The following SORBS2 variants were observed in gnomAD, a reference collection of about 807,000 sequenced individuals.
SORBS2 encodes sorbin and SH3 domain-containing protein 2.
A neutral mutation model predicts 97.7 loss-of-function variants in SORBS2; 46 were observed. The observed-to-expected ratio is 0.47, with a 90% CI of 0.37 to 0.60. The LOEUF is 0.60. SORBS2 is among the 20% of genes least tolerant of loss of function. SORBS2 has a pLI of 0.00. For synonymous variants in SORBS2, 476 were observed against 473.4 expected, an observed-to-expected ratio of 1.01 and a Z score of -0.07; for missense variants, 1,316 against 1,282.3, an observed-to-expected ratio of 1.03 and a Z score of -0.40.
chr4:185,936,178 G>A (rs982234801), intron 1 of SORBS2, among the ~76,000 whole-genome samples: 3 of 152,192 alleles, frequency 2.0e-5, no homozygotes, highest in African/African-American at 7.2e-5. Flanking sequence ...TTTTCAATGA[G>A]GAGACACGTG....
intron 1 of SORBS2, among the ~76,000 whole-genome samples, chr4:185,654,321 C>T (rs1400096653): frequency 1.3e-5 from 2 of 152,184 alleles, no homozygotes; most frequent in African/African-American, 4.8e-5. Flanking sequence ...GGACTGATTT[C>T]TCTTTCATTA....
At chr4:185,678,891 T>C in intron 2 of SORBS2, 69 bp from the exon 6 acceptor site, 2 of 962,398 alleles carry the variant, frequency 2.1e-6, no homozygotes, top group South Asian at 2.0e-5. Flanking sequence ...AAAAATAACA[T>C]GGCAAAGAAC....
chr4:185,621,422 G>A (rs923048938), intron 7 of SORBS2, among the ~76,000 whole-genome samples: 3 of 152,110 alleles, frequency 2.0e-5, no homozygotes, highest in South Asian at 2.1e-4. Flanking sequence ...TCCAAGTTAC[G>A]TTTCAAAAAT....
intron 1 of SORBS2, among the ~76,000 whole-genome samples, chr4:185,923,482 T>TTTTTTTTTTTTTTG (rs1341327980): frequency 1.4e-5 from 2 of 147,022 alleles, no homozygotes; most frequent in Admixed American, 1.4e-4. Context: ...ATTTTTTTTT[T>TTTTTTTTTTTTTTG]TTGTAGAGAC....
intron 1 of SORBS2, among the ~76,000 whole-genome samples, chr4:185,830,187 C>T (rs4862577): frequency 0.25 from 38,434 of 151,960 alleles, 6,233 homozygotes; most frequent in Middle Eastern, 0.36. Context: ...CTATTATTAA[C>T]CTAGATGTAG....
chr4:185,828,011 GTCACCATCATCA>G, intron 1 of SORBS2, among the ~76,000 whole-genome samples: 1 of 49,480 alleles, frequency 2.0e-5, no homozygotes, highest in East Asian at 3.4e-4. Flanking sequence ...CATCATCATC[GTCACCATCATCA>G]TCATCTCATC....
At position 185,760,793 on chromosome 4, in the gene SORBS2, G is replaced by A. The variant is rs181974535; in HGVS notation, c.-198+14434C>T. On this transcript the variant is annotated intron_variant, in intron 2 of 20. Coordinates refer to the SORBS2 transcript ENST00000284776. ...CATTTCCTTCTCATTAGTTGCATGA[G>A]GATATAAAAATTAAATCAAATCTGC... Among the ~76,000 whole-genome samples the A allele has an allele frequency of 2.0e-4, 31 of 152,294 alleles. 1 individual carries two copies. Among genetic ancestry groups the A allele is most frequent in the Admixed American group, 1.5e-3 (23 of 15,306 alleles).
intron 14 of SORBS2, among the ~76,000 whole-genome samples, 194 bp downstream of exon 26, chr4:185,589,485 T>C (rs956546784): frequency 6.6e-6 from 1 of 152,184 alleles, no homozygotes; most frequent in Admixed American, 6.5e-5. Flanking sequence ...AAATCACACA[T>C]AGCTGAAGCA....
chr4:185,938,137 A>T (rs912356430), intron 1 of SORBS2, among the ~76,000 whole-genome samples: 5 of 150,040 alleles, frequency 3.3e-5, no homozygotes, highest in Admixed American at 6.7e-5. Context: ...AGCTGGGATT[A>T]CAGGCACCTG....
intron 2 of SORBS2, among the ~76,000 whole-genome samples, chr4:185,722,507 CTG>C (rs1315126215): frequency 6.6e-6 from 1 of 152,168 alleles, no homozygotes; most frequent in African/African-American, 2.4e-5. Context: ...AGTGTGAAAA[CTG>C]TGAATATCAC....
rs1430687991 is a variant in SORBS2, at chr4:185,677,271, T to A, written c.-46+1152A>T. 4 of 1,552,050 alleles carry A rather than the reference T, an allele frequency of 2.6e-6. No homozygotes were observed. The Admixed American group carries it at 7.8e-5, about 30-fold the overall frequency. ...ACTAATGGGGCTGCTACTTCCTAGA[T>A]CCTGGTTATGGGTTAGTTTCAAGGT... On this transcript the variant is annotated intron_variant, in intron 4 of 20. Transcript: ENST00000284776.
At chr4:185,632,935 G>C (rs569308261) in intron 4 of SORBS2, among the ~76,000 whole-genome samples, 1 of 152,120 alleles carries the variant, frequency 6.6e-6, no homozygotes, top group African/African-American at 2.4e-5. Context: ...TGATGACTGA[G>C]AGAAAAACTT....
intron 1 of SORBS2, among the ~76,000 whole-genome samples, chr4:185,847,661 C>T (rs72705761): frequency 0.23 from 34,715 of 151,954 alleles, 4,481 homozygotes; most frequent in Middle Eastern, 0.35. Context: ...ACGGCAGCAA[C>T]GATTATAGCA....
chr4:185,589,624 A>G (rs1321843939), intron 14 of SORBS2, 55 bp downstream of exon 26: 3 of 1,040,104 alleles, frequency 2.9e-6, no homozygotes, highest in Non-Finnish European at 4.6e-6. Flanking sequence ...GGGAGTGAGC[A>G]AACTCAAGCA....
intron 2 of SORBS2, among the ~76,000 whole-genome samples, chr4:185,758,520 G>C (rs187894452): frequency 6.6e-6 from 1 of 152,166 alleles, no homozygotes; most frequent in East Asian, 1.9e-4. Context: ...TGCACTCACT[G>C]CCTCATTCAG....
intron 1 of SORBS2, among the ~76,000 whole-genome samples, chr4:185,823,257 C>T (rs2099197883): frequency 6.6e-6 from 1 of 152,180 alleles, no homozygotes; most frequent in Non-Finnish European, 1.5e-5. Context: ...TGTCCTTAAC[C>T]TTGGCAAAAT....
chr4:185,683,505 T>C (rs1383374173), intron 2 of SORBS2, among the ~76,000 whole-genome samples: 1 of 152,218 alleles, frequency 6.6e-6, no homozygotes, highest in Non-Finnish European at 1.5e-5. Context: ...TTCATTCCTG[T>C]TTCTCATGGT....
chr4:185,653,778 T>A (rs1358506941), intron 1 of SORBS2, among the ~76,000 whole-genome samples: 1 of 152,228 alleles, frequency 6.6e-6, no homozygotes, highest in African/African-American at 2.4e-5. Flanking sequence ...GCTTTTATAA[T>A]CGTACTCACA....
intron 1 of SORBS2, among the ~76,000 whole-genome samples, chr4:185,806,582 C>A (rs1048670448): frequency 1.1e-3 from 165 of 149,964 alleles, no homozygotes; most frequent in Non-Finnish European, 2.1e-3. Flanking sequence ...CTCAGCCTCC[C>A]GAGTAGCTGG....
Sources: allele counts gnomAD v4.1 joint callset (sites outside exome capture counted in the v4.1 genomes callset), GRCh38; gene constraint gnomAD v4.1.1; transcripts MANE v1.5; gene names NCBI Gene and HGNC (gene_info 2026-07-23, HGNC 2026-07-21).